Variants in PRKCH observed in about 807,000 individuals in gnomAD.
PRKCH encodes protein kinase C eta.
PRKCH carries 28 observed loss-of-function variants against 82.5 expected under a neutral mutation model. The observed-to-expected ratio is 0.34, with a 90% CI of 0.25 to 0.47. PRKCH has a LOEUF of 0.47. Among genes scored for constraint, PRKCH ranks in the 20% least tolerant of loss-of-function variants. PRKCH has a pLI of 1.00. For synonymous variants in PRKCH, 322 were observed against 327.4 expected, an observed-to-expected ratio of 0.98 and a Z score of 0.18; for missense variants, 705 against 881.8, an observed-to-expected ratio of 0.80 and a Z score of 2.54.
chr14:61,412,272 T>TTA (rs1299500281), intron 2 of PRKCH, among the ~76,000 whole-genome samples: 1 of 152,154 alleles, frequency 6.6e-6, no homozygotes, highest in Non-Finnish European at 1.5e-5. Flanking sequence ...ATTAAAATGG[T>TTA]TATTATAACT....
At chr14:61,377,925 G>A (rs2046446490) in intron 1 of PRKCH, among the ~76,000 whole-genome samples, 1 of 152,114 alleles carries the variant, frequency 6.6e-6, no homozygotes, top group African/African-American at 2.4e-5. Flanking sequence ...AACCTCTAGT[G>A]GCTCCCCTTG....
intron 1 of PRKCH, among the ~76,000 whole-genome samples, chr14:61,275,684 G>A (rs1232649911): frequency 6.6e-6 from 1 of 152,108 alleles, no homozygotes; most frequent in Non-Finnish European, 1.5e-5. Flanking sequence ...CCCTCATCAT[G>A]GGTTTCCTTT....
intron 1 of PRKCH, among the ~76,000 whole-genome samples, chr14:61,385,714 T>C (rs913520033): frequency 6.6e-6 from 1 of 152,218 alleles, no homozygotes; most frequent in Non-Finnish European, 1.5e-5. Flanking sequence ...GAAAATCATG[T>C]CCTACATGAA....
At chr14:61,423,254 C>G (rs1594689311) in intron 2 of PRKCH, among the ~76,000 whole-genome samples, 1 of 152,272 alleles carries the variant, frequency 6.6e-6, no homozygotes, top group East Asian at 1.9e-4. Flanking sequence ...AGTGGCACAT[C>G]AATAATCTGC....
At chr14:61,420,507 C>T (rs757577330) in intron 2 of PRKCH, among the ~76,000 whole-genome samples, 6 of 152,236 alleles carry the variant, frequency 3.9e-5, no homozygotes, top group Non-Finnish European at 8.8e-5. Flanking sequence ...CAGCTTCAGT[C>T]TGTCTCCCCG....
At chr14:61,383,806 G>A (rs1464047875) in intron 1 of PRKCH, among the ~76,000 whole-genome samples, 1 of 152,114 alleles carries the variant, frequency 6.6e-6, no homozygotes, top group African/African-American at 2.4e-5. Context: ...AGGACAGCAG[G>A]TTTTAAAAAG....
At chr14:61,496,036 T>C (rs976173777) in intron 10 of PRKCH, among the ~76,000 whole-genome samples, 1 of 152,094 alleles carries the variant, frequency 6.6e-6, no homozygotes. Flanking sequence ...AGAAGAGTGT[T>C]CTAGGCCAAG....
intron 9 of PRKCH, among the ~76,000 whole-genome samples, chr14:61,484,824 C>T (rs536403170): frequency 1.4e-5 from 2 of 144,202 alleles, no homozygotes; most frequent in East Asian, 4.3e-4. Context: ...GTGGGAGTGC[C>T]GTGGCACAAT....
chr14:61,204,368 A>T (rs1233006593), intron 1 of PRKCH, among the ~76,000 whole-genome samples: 1 of 152,150 alleles, frequency 6.6e-6, no homozygotes, highest in Admixed American at 6.6e-5. Flanking sequence ...AGTTTAAATA[A>T]CTTTCCCAGG....
intron 1 of PRKCH, among the ~76,000 whole-genome samples, chr14:61,328,154 G>A (rs1489403548): frequency 1.3e-5 from 2 of 151,160 alleles, no homozygotes; most frequent in Non-Finnish European, 2.9e-5. Context: ...GGAGGCTGAG[G>A]CAGGAGAATG....
intron 1 of PRKCH, among the ~76,000 whole-genome samples, chr14:61,386,105 T>C (rs1386175739): frequency 2.6e-5 from 4 of 152,234 alleles, no homozygotes; most frequent in Non-Finnish European, 4.4e-5. Flanking sequence ...TGATCCATAA[T>C]GCGTTTGGTT....
chr14:61,408,557 T>G (rs1882089512), intron 2 of PRKCH, among the ~76,000 whole-genome samples: 1 of 152,126 alleles, frequency 6.6e-6, no homozygotes. Context: ...TGCGTGACCT[T>G]AAGCAATGGT....
intron 12 of PRKCH, among the ~76,000 whole-genome samples, chr14:61,535,926 A>G (rs2140016684): frequency 6.6e-6 from 1 of 152,378 alleles, no homozygotes; most frequent in South Asian, 2.1e-4. Flanking sequence ...TAAAATTTCC[A>G]CATGGAAAAG....
chr14:61,511,873 T>C (rs1272598440), intron 10 of PRKCH, among the ~76,000 whole-genome samples: 7 of 152,172 alleles, frequency 4.6e-5, no homozygotes, highest in Non-Finnish European at 1.0e-4. Context: ...ACTCTGTGGG[T>C]GGATAGAACA....
chr14:61,450,694 T>G, intron 5 of PRKCH, 148 bp from the exon 6 acceptor site: 1 of 848,452 alleles, frequency 1.2e-6, no homozygotes, highest in Non-Finnish European at 1.7e-6. Flanking sequence ...AAGACCTGAG[T>G]AATTAATCAG....
chr14:61,243,397 A>G (rs956517301), intron 1 of PRKCH, among the ~76,000 whole-genome samples: 98 of 151,712 alleles, frequency 6.5e-4, no homozygotes, highest in Middle Eastern at 3.4e-3. Context: ...AAAAAAAAAA[A>G]AAAAAGAAAA....
chr14:61,346,962 C>T (rs1344041844), intron 1 of PRKCH, among the ~76,000 whole-genome samples: 2 of 151,354 alleles, frequency 1.3e-5, no homozygotes, highest in African/African-American at 4.8e-5. Flanking sequence ...TCCTCACAAG[C>T]ATTGTTTAGG....
chr14:61,359,152 T>C (rs767743572), intron 1 of PRKCH, among the ~76,000 whole-genome samples: 2 of 152,228 alleles, frequency 1.3e-5, no homozygotes, highest in African/African-American at 2.4e-5. Context: ...GAAATGTTTG[T>C]TCATTGAATA....
intron 2 of PRKCH, among the ~76,000 whole-genome samples, chr14:61,391,554 C>T (rs1357117103): frequency 1.3e-5 from 2 of 152,054 alleles, no homozygotes; most frequent in Admixed American, 6.5e-5. Flanking sequence ...GTCATCGTAG[C>T]TGAATGGTTT....
Sources: gnomAD v4.1 joint callset for allele counts (sites outside exome capture counted in the v4.1 genomes callset) on GRCh38, gnomAD v4.1.1 for gene constraint, MANE v1.5 for transcripts, NCBI Gene and HGNC (gene_info 2026-07-23, HGNC 2026-07-21) for gene names.